Variants in STPG2 observed in about 807,000 individuals in gnomAD.
STPG2 encodes the protein sperm tail PG-rich repeat containing 2.
Under a neutral mutation model 54.2 loss-of-function variants are expected in STPG2, and 56 were observed. That is an observed-to-expected ratio of 1.03 (90% CI 0.83 to 1.29). The LOEUF (loss-of-function observed/expected upper bound fraction) is 1.29, where lower values mean the gene tolerates loss of function less well. Among genes scored for constraint, STPG2 ranks in the 50% most tolerant of loss-of-function variants. The pLI is 0.00. For synonymous variants in STPG2, 200 were observed against 181.8 expected (o/e 1.10, Z -0.81); for missense variants, 596 against 544.9 (o/e 1.09, Z -0.93).
chr4:97,685,920 A>G (rs542073281), intron 10 of STPG2, among the ~76,000 whole-genome samples: 2 of 152,334 alleles, frequency 1.3e-5, no homozygotes, highest in African/African-American at 4.8e-5. Context: ...AGAATAGAGA[A>G]TAGTATTAGG....
intron 5 of STPG2, among the ~76,000 whole-genome samples, chr4:98,042,960 C>T (rs1737011771): frequency 6.6e-6 from 1 of 151,896 alleles, no homozygotes; most frequent in Non-Finnish European, 1.5e-5. Flanking sequence ...TATTATATTG[C>T]TATCAATTTA....
chr4:97,988,324 C>CT (rs1460988251), intron 5 of STPG2, among the ~76,000 whole-genome samples: 2 of 152,084 alleles, frequency 1.3e-5, no homozygotes, highest in Non-Finnish European at 1.5e-5. Flanking sequence ...CCCTTCTCTG[C>CT]TTTTTTTAAC....
intron 4 of STPG2, among the ~76,000 whole-genome samples, chr4:97,531,959 TC>T (rs1376279200): frequency 6.6e-6 from 1 of 152,172 alleles, no homozygotes; most frequent in Non-Finnish European, 1.5e-5. Context: ...AATGCCTGTA[TC>T]AAAATATCTA....
At chr4:97,522,123 G>T (rs1302768645) in intron 4 of STPG2, among the ~76,000 whole-genome samples, 1 of 151,938 alleles carries the variant, frequency 6.6e-6, no homozygotes, top group Non-Finnish European at 1.5e-5. Context: ...TGGGAGTGCG[G>T]AAAAGATAGT....
chr4:97,650,563 C>T (rs1293719739), intron 10 of STPG2, among the ~76,000 whole-genome samples: 2 of 151,964 alleles, frequency 1.3e-5, no homozygotes, highest in Non-Finnish European at 2.9e-5. Flanking sequence ...TGTCTAAAGA[C>T]CTGGGATCAA....
At chr4:98,055,090 G>C (rs1306395039) in intron 5 of STPG2, among the ~76,000 whole-genome samples, 1 of 152,102 alleles carries the variant, frequency 6.6e-6, no homozygotes, top group Non-Finnish European at 1.5e-5. Flanking sequence ...AAGTCTGGGA[G>C]AGGACTAGAT....
chr4:97,512,047 A>G (rs1730984898), intron 4 of STPG2, among the ~76,000 whole-genome samples: 1 of 152,016 alleles, frequency 6.6e-6, no homozygotes, highest in South Asian at 2.1e-4. Context: ...TATAATCTTG[A>G]AATTGTATAA....
intron 7 of STPG2, among the ~76,000 whole-genome samples, chr4:97,949,491 G>A (rs1487317669): frequency 6.6e-6 from 1 of 151,886 alleles, no homozygotes; most frequent in Non-Finnish European, 1.5e-5. Context: ...TTGTATTATT[G>A]TTTTATAGGC....
intron 9 of STPG2, among the ~76,000 whole-genome samples, chr4:97,781,761 T>C (rs1027857178): frequency 1.1e-4 from 16 of 152,168 alleles, no homozygotes; most frequent in Non-Finnish European, 1.8e-4. Context: ...ATCCCTGGGA[T>C]GCAAGTCTGG....
chr4:97,772,792 A>C (rs1726258333), intron 9 of STPG2, among the ~76,000 whole-genome samples: 1 of 152,212 alleles, frequency 6.6e-6, no homozygotes. Context: ...AAAGTAAATT[A>C]ATCTATTTTC....
chr4:97,863,520 C>T (rs894120042), intron 8 of STPG2, among the ~76,000 whole-genome samples: 1 of 152,160 alleles, frequency 6.6e-6, no homozygotes, highest in South Asian at 2.1e-4. Flanking sequence ...ACCAGAGGTA[C>T]AAGGAGGAGC....
chr4:98,110,946 T>C (rs1739329548), intron 3 of STPG2, among the ~76,000 whole-genome samples: 1 of 126,482 alleles, frequency 7.9e-6, no homozygotes, highest in Admixed American at 7.5e-5. Context: ...ATCAAATCCA[T>C]ACCTGCCCCA....
chr4:97,605,276 T>G (rs186839928), intron 10 of STPG2, among the ~76,000 whole-genome samples: 14 of 151,900 alleles, frequency 9.2e-5, no homozygotes, highest in Non-Finnish European at 1.9e-4. Flanking sequence ...ATAGGAAACT[T>G]CCCAAACTAG....
At chr4:97,830,394 C>A (rs971673013) in intron 9 of STPG2, among the ~76,000 whole-genome samples, 6 of 152,110 alleles carry the variant, frequency 3.9e-5, no homozygotes, top group African/African-American at 1.4e-4. Flanking sequence ...TGGAAAGGAA[C>A]AATCAGTACC....
intron 10 of STPG2, among the ~76,000 whole-genome samples, chr4:97,630,773 C>T (rs1350203846): frequency 6.6e-6 from 1 of 151,544 alleles, no homozygotes; most frequent in Non-Finnish European, 1.5e-5. Context: ...CTCAAGGTGG[C>T]TTCTCATGTT....
chr4:97,481,927 G>A (rs1730231426), intron 4 of STPG2, among the ~76,000 whole-genome samples: 3 of 151,484 alleles, frequency 2.0e-5, no homozygotes, highest in Admixed American at 6.6e-5. Context: ...TCTCATTTGA[G>A]GGCAAAAACA....
At chr4:97,501,977 A>G (rs1270518824) in intron 4 of STPG2, among the ~76,000 whole-genome samples, 1 of 151,986 alleles carries the variant, frequency 6.6e-6, no homozygotes, top group Non-Finnish European at 1.5e-5. Context: ...AAGAAACAAG[A>G]GAAACAAAAT....
chr4:97,933,154 T>A (rs1389288767), intron 8 of STPG2, among the ~76,000 whole-genome samples: 2 of 152,146 alleles, frequency 1.3e-5, no homozygotes. Flanking sequence ...TTATTGGCCA[T>A]ATAAATGTCT....
chr4:98,012,774 T>G (rs949388851), intron 5 of STPG2, among the ~76,000 whole-genome samples: 1 of 152,246 alleles, frequency 6.6e-6, no homozygotes, highest in Non-Finnish European at 1.5e-5. Flanking sequence ...TGTATAGAAA[T>G]GCTTGTGATT....
Sources: allele counts gnomAD v4.1 joint callset (sites outside exome capture counted in the v4.1 genomes callset), GRCh38; gene constraint gnomAD v4.1.1; transcripts MANE v1.5; gene names NCBI Gene and HGNC (gene_info 2026-07-23, HGNC 2026-07-21).